Variants in ASTN2 observed in about 807,000 individuals in gnomAD.
The protein encoded by ASTN2 is astrotactin 2, also known as astrotactin-2.
ASTN2 carries 54 observed loss-of-function variants against 139.8 expected under a neutral mutation model. The observed-to-expected ratio is 0.39, with a 90% confidence interval of 0.31 to 0.48. ASTN2 has a LOEUF of 0.48. Among genes scored for constraint, ASTN2 ranks in the 20% least tolerant of loss-of-function variants. The pLI is 0.95. For missense variants in ASTN2, 1,565 were observed against 1,725.1 expected, an observed-to-expected ratio of 0.91 and a Z score of 1.64; for synonymous variants, 756 against 719.5, an observed-to-expected ratio of 1.05 and a Z score of -0.81.
intron 5 of ASTN2, among the ~76,000 whole-genome samples, chr9:117,077,785 TA>T (rs1828319764): frequency 6.6e-6 from 1 of 151,980 alleles, no homozygotes; most frequent in African/African-American, 2.4e-5. Flanking sequence ...ACAGTATCCC[TA>T]AAAACAATGT....
chr9:117,395,972 C>T (rs1423251932), intron 1 of ASTN2, among the ~76,000 whole-genome samples: 2 of 152,208 alleles, frequency 1.3e-5, no homozygotes, highest in African/African-American at 4.8e-5. Context: ...GCAGCTCTAA[C>T]ATGCTCGGCA....
chr9:117,286,258 T>C (rs1161159721), intron 2 of ASTN2, among the ~76,000 whole-genome samples: 1 of 150,886 alleles, frequency 6.6e-6, no homozygotes. Context: ...AAAAAACAAA[T>C]AAATGCAAAA....
At position 116,522,506 on chromosome 9, in the gene ASTN2, AC is replaced by A. The variant is rs1358720599; in HGVS notation, c.3356-35007del. Among the ~76,000 whole-genome samples the A allele has an allele frequency of 2.0e-5, 3 of 152,026 alleles. No homozygotes were observed. The East Asian group carries it at 5.8e-4, about 29-fold the overall frequency. On this transcript the variant is annotated intron_variant, in intron 19 of 22. Coordinates refer to ENST00000313400, the MANE Select transcript of ASTN2 (RefSeq NM_001365068.1). Reference sequence around the variant, plus strand: ...AAGAATGATACATTGGACTTTGGGGACTTGGGGGAAAGGGTGAGGGGTGGCG... The same window carrying A: ...AAGAATGATACATTGGACTTTGGGGATTGGGGGAAAGGGTGAGGGGTGGCG...
At chr9:117,378,874 C>T (rs1394426075) in intron 1 of ASTN2, among the ~76,000 whole-genome samples, 2 of 152,254 alleles carry the variant, frequency 1.3e-5, no homozygotes, top group Non-Finnish European at 2.9e-5. Context: ...ATTCTGGGGA[C>T]GGATCCTTCA....
intron 1 of ASTN2, among the ~76,000 whole-genome samples, chr9:117,410,955 A>G (rs929287715): frequency 3.9e-5 from 6 of 152,206 alleles, no homozygotes; most frequent in Non-Finnish European, 8.8e-5. Flanking sequence ...GCTCTTGTCT[A>G]ACAATCTTGA....
intron 17 of ASTN2, among the ~76,000 whole-genome samples, chr9:116,628,800 A>G (rs1053827648): frequency 2.0e-5 from 3 of 152,166 alleles, no homozygotes; most frequent in African/African-American, 7.2e-5. Context: ...AGATGTTAAT[A>G]GTGGGGGAGG....
chr9:117,062,404 T>C (rs1205157122), intron 5 of ASTN2, among the ~76,000 whole-genome samples: 1 of 152,190 alleles, frequency 6.6e-6, no homozygotes, highest in Admixed American at 6.5e-5. Flanking sequence ...TTTCTGTTGC[T>C]CCCTGGCTCA....
At position 116,462,788 on chromosome 9, in the gene ASTN2, A is replaced by ATGTGTGTGTGTG. The variant is rs55926547; in HGVS notation, c.3498-20247_3498-20236dup. Among the ~76,000 whole-genome samples, 155 of 146,084 alleles carry ATGTGTGTGTGTG rather than the reference A, an allele frequency of 1.1e-3. 1 individual carries two copies. The highest frequency in any genetic ancestry group is 3.6e-3 in the African/African-American group (141 of 38,718). On this transcript the variant is annotated intron_variant, in intron 20 of 22. Transcript: ENST00000313400. Reference sequence around the variant, plus strand: ...CTTTAAGGGTAAGTGTTGGGTGAGCATGTGTGTGTGTGTGTGTGTGTGTGT... The same window carrying ATGTGTGTGTGTG: ...CTTTAAGGGTAAGTGTTGGGTGAGCATGTGTGTGTGTGTGTGTGTGTGTGTGTGTGTGTGTGT...
chr9:116,868,710 G>C (rs371720342), intron 10 of ASTN2, among the ~76,000 whole-genome samples: 27 of 152,274 alleles, frequency 1.8e-4, no homozygotes, highest in African/African-American at 6.3e-4. Flanking sequence ...CCAAAATCAG[G>C]GTTTGGTAGA....
At chr9:117,253,919 T>C (rs1192901034) in intron 2 of ASTN2, among the ~76,000 whole-genome samples, 1 of 152,156 alleles carries the variant, frequency 6.6e-6, no homozygotes. Flanking sequence ...GAGGTTCTTA[T>C]CTGCATGAAG....
At position 117,191,520 on chromosome 9, in the gene ASTN2, T is replaced by A. The variant is rs190279253; in HGVS notation, c.1015+22838A>T. 2.0e-3 allele frequency among the ~76,000 whole-genome samples: 302 copies of A among 152,324 alleles called. 2 individuals are homozygous for A. Among genetic ancestry groups the A allele is most frequent in the African/African-American group, 7.0e-3 (292 of 41,566 alleles). On this transcript the variant is annotated intron_variant, in intron 3 of 22. Transcript: ENST00000313400. ...ACTTTTATAATTAAGAAATATTAGA[T>A]AAAATAAGGACTGATCATACTTGTG...
chr9:116,480,386 G>A (rs1171128221), intron 20 of ASTN2, among the ~76,000 whole-genome samples: 1 of 152,196 alleles, frequency 6.6e-6, no homozygotes, highest in East Asian at 1.9e-4. Flanking sequence ...GAGTGAAGGG[G>A]AGAAGTCAGT....
chr9:117,396,941 CTTTTTT>C (rs58488186), intron 1 of ASTN2, among the ~76,000 whole-genome samples: 1 of 111,156 alleles, frequency 9.0e-6, no homozygotes, highest in African/African-American at 3.4e-5. Flanking sequence ...TCCACTCAAG[CTTTTTT>C]TTTTTTTTTT....
chr9:117,340,819 A>C (rs1279390690), intron 1 of ASTN2, among the ~76,000 whole-genome samples: 2 of 152,216 alleles, frequency 1.3e-5, no homozygotes, highest in Non-Finnish European at 2.9e-5. Flanking sequence ...TCCCAGTTCC[A>C]ACAGTGATTC....
At chr9:117,179,945 T>A (rs1831014908) in intron 3 of ASTN2, among the ~76,000 whole-genome samples, 1 of 152,206 alleles carries the variant, frequency 6.6e-6, no homozygotes, top group Non-Finnish European at 1.5e-5. Flanking sequence ...CTGAGATCAT[T>A]GGTTCTCATT....
Position 116,820,795 on chromosome 9 carries a change from G to T in ASTN2, c.2041-12C>A. ...AGCTCCTCAGGGCACTGCTCAGAGA[G>T]AGGGCAACAGGGTAGTTATGGCTTG... On this transcript the variant is annotated splice_polypyrimidine_tract_variant and intron_variant, in intron 11 of 22. Transcript: ENST00000313400. 1 of 1,608,036 alleles carries T rather than the reference G, an allele frequency of 6.2e-7. No homozygotes were observed. Among genetic ancestry groups the T allele is most frequent in the Non-Finnish European group, 8.5e-7 (1 of 1,175,840 alleles).
intron 16 of ASTN2, among the ~76,000 whole-genome samples, chr9:116,724,492 T>C (rs955508921): frequency 3.9e-5 from 6 of 152,074 alleles, no homozygotes; most frequent in African/African-American, 1.2e-4. Flanking sequence ...TTTTATCCAG[T>C]TGGGAATGTG....
In ASTN2 at chr9:117,214,760, G is replaced by A. The variant is rs771953096; in HGVS notation, c.631-18C>T. 2.7e-6 allele frequency: 4 copies of A among 1,470,264 alleles called. No individual in the cohort carries two copies. The highest frequency in any genetic ancestry group is 3.6e-6 in the Non-Finnish European group (4 of 1,110,790). The allele number at this position is 1,470,264 out of a possible 1,614,324, so 91.1% of individuals were successfully genotyped here. A position where few individuals can be genotyped will look rare whatever the true frequency, so the allele number is the denominator to read the frequency against. ...AGGCCACCCTGGAGCAGGAAGGAAG[G>A]ACACACAAATGGGCCACTGTTCTTT... On this transcript the variant is annotated intron_variant, in intron 2 of 22. Transcript: ENST00000313400.
chr9:117,008,022 AG>A (rs1195508668), intron 7 of ASTN2, 69 bp downstream of exon 7: 1 of 1,444,858 alleles, frequency 6.9e-7, no homozygotes, highest in East Asian at 2.5e-5. Flanking sequence ...CTTTAGGTAG[AG>A]GGAGCACAAT....
Sources: gnomAD v4.1 joint callset for allele counts (sites outside exome capture counted in the v4.1 genomes callset) on GRCh38, gnomAD v4.1.1 for gene constraint, MANE v1.5 for transcripts, NCBI Gene and HGNC (gene_info 2026-07-23, HGNC 2026-07-21) for gene names.